AATK: variants seen among roughly 807,000 people sequenced by gnomAD.
The protein encoded by AATK is lemur tail kinase 1.
A neutral mutation model predicts 114.3 loss-of-function variants in AATK; 91 were observed. The observed-to-expected ratio is 0.80, with a 90% confidence interval of 0.67 to 0.95. The LOEUF is 0.95. AATK is among the 40% of genes least tolerant of loss of function. The pLI is 0.00. For missense variants in AATK, 2,176 were observed against 1,965.2 expected, an observed-to-expected ratio of 1.11 and a Z score of -2.03; for synonymous variants, 1,075 against 916.5, an observed-to-expected ratio of 1.17 and a Z score of -3.12.
At chr17:81,140,487 T>C (rs1057200968) in intron 1 of AATK, among the ~76,000 whole-genome samples, 1 of 152,228 alleles carries the variant, frequency 6.6e-6, no homozygotes, top group African/African-American at 2.4e-5. Flanking sequence ...TCTGGGTGCC[T>C]TGCATGGCAA....
chr17:81,161,096 G>A (rs1034299910), intron 1 of AATK, among the ~76,000 whole-genome samples: 1 of 152,198 alleles, frequency 6.6e-6, no homozygotes, highest in African/African-American at 2.4e-5. Context: ...TCTCGAGGCA[G>A]CTGTGCTCAC....
intron 1 of AATK, among the ~76,000 whole-genome samples, chr17:81,157,778 T>C (rs968357844): frequency 4.6e-5 from 7 of 152,160 alleles, no homozygotes; most frequent in African/African-American, 7.2e-5. Context: ...TCCCTGACAG[T>C]GGAGAAGCCT....
chr17:81,144,557 G>A (rs960092725), intron 1 of AATK, among the ~76,000 whole-genome samples: 32 of 152,232 alleles, frequency 2.1e-4, no homozygotes, highest in African/African-American at 7.7e-4. Flanking sequence ...GAGCCCACAG[G>A]GCTCCCTTGA....
chr17:81,122,427 C>T lies in AATK; in HGVS notation c.1509G>A (p.Gln503=), dbSNP rs1374258176. 108 of 1,458,046 alleles carry T rather than the reference C, an allele frequency of 7.4e-5. No homozygotes were observed. The highest frequency in any genetic ancestry group is 9.5e-5 in the Non-Finnish European group (105 of 1,106,910). The allele number at this position is 1,458,046 out of a possible 1,614,324, so 90.3% of individuals were successfully genotyped here. A position where few individuals can be genotyped will look rare whatever the true frequency, so the allele number is the denominator to read the frequency against. ...TLSPGRTARL[Q]ELCAPDGAPP... is the part of the protein sequence containing the mutation. ...GCGCGCCGTCGGGGGCGCACAGCTC[C>T]TGCAGGCGTGCGGTGCGGCCAGGGC... Residue 503 remains glutamine (Q), a synonymous_variant, in exon 11 of 14, where the codon CAG becomes CAA. Coordinates refer to ENST00000326724, the MANE Select transcript of AATK (RefSeq NM_001080395.3).
intron 1 of AATK, among the ~76,000 whole-genome samples, chr17:81,161,344 C>T (rs550941226): frequency 1.3e-5 from 2 of 152,258 alleles, no homozygotes; most frequent in East Asian, 1.9e-4. Flanking sequence ...CCCGCGTGCA[C>T]GCCACTCCTC....
chr17:81,128,530 T>G lies in AATK; in HGVS notation c.354A>C (p.Thr118=). 4 of 1,549,168 alleles carry G rather than the reference T, an allele frequency of 2.6e-6. No individual in the cohort carries two copies. The East Asian group carries it at 9.8e-5, about 38-fold the overall frequency. ...ACAGGAGGCTGTGCCGGCCCACGTC[T>G]GTGGACTTGAGGAGCTGCACTGTAA... is the stretch of plus-strand genomic sequence containing the variant. ...PGRSVQLLKS[T]DVGRHSLLYL... is the part of the protein sequence containing the mutation. The change falls in exon 4 of 14, where the codon ACA becomes ACC. Residue 118 remains threonine, a synonymous_variant. Transcript: ENST00000326724.
chr17:81,126,418 C>T lies in AATK; in HGVS notation c.755+9G>A, dbSNP rs531935985. The T allele has an allele frequency of 2.1e-5, 32 of 1,555,444 alleles. No individual in the cohort carries two copies. Among genetic ancestry groups the T allele is most frequent in the East Asian group, 2.4e-5 (1 of 41,396 alleles). ...GGCTTCCCGGCCGCTGGCCCGCGCC[C>T]GCCCTCACCTGTGCACGAAATTGTT... On this transcript the variant is annotated intron_variant, in intron 7 of 13. Coordinates refer to ENST00000326724, the MANE Select transcript of AATK (RefSeq NM_001080395.3). This position sits in a 1 kb window ranked among gnomAD's most constrained non-coding sequence, Gnocchi z 5.1.
intron 1 of AATK, among the ~76,000 whole-genome samples, chr17:81,152,642 G>C (rs2061312965): frequency 6.6e-6 from 1 of 152,068 alleles, no homozygotes. Flanking sequence ...AATTCAACCA[G>C]GTCAGCAACC....
chr17:81,142,251 G>A (rs2061149928), intron 1 of AATK, among the ~76,000 whole-genome samples: 2 of 150,420 alleles, frequency 1.3e-5, no homozygotes, highest in African/African-American at 4.9e-5. Flanking sequence ...GAGCTACCAG[G>A]CCCGCTCTTT....
intron 1 of AATK, among the ~76,000 whole-genome samples, chr17:81,137,651 A>G (rs999382153): frequency 3.9e-5 from 6 of 152,086 alleles, no homozygotes; most frequent in Non-Finnish European, 8.8e-5. Flanking sequence ...TGTTGTAACA[A>G]TCCAGCACAC....
rs558149473 is a variant in AATK, at chr17:81,121,319, C to T, written c.2617G>A (p.Asp873Asn). 6.3e-5 allele frequency: 101 copies of T among 1,611,750 alleles called. No individual in the cohort carries two copies. The highest frequency in any genetic ancestry group is 4.5e-4 in the African/African-American group (34 of 74,912). Reference protein sequence around the residue: ...TAEATSGIFTDTSSDGLQARR... With the variant: ...TAEATSGIFTNTSSDGLQARR... ...GCCTGCAGGCCGTCGCTGGACGTGT[C>T]GGTGAAGATGCCTGAGGTGGCCTCG... is the stretch of plus-strand genomic sequence containing the variant. Residue 873 changes from aspartate (D) to asparagine (N), a missense_variant, in exon 11 of 14, where the codon GAC (aspartate) becomes AAC (asparagine). Coordinates refer to ENST00000326724, the MANE Select transcript of AATK (RefSeq NM_001080395.3).
intron 12 of AATK, 73 bp from the exon 13 acceptor site, chr17:81,119,653 G>A (rs1255853362): frequency 6.1e-5 from 33 of 545,054 alleles, no homozygotes; most frequent in East Asian, 1.4e-4. Flanking sequence ...CCACAGTCAC[G>A]GGCCCAGGCC....
chr17:81,163,250 G>A (rs542858792), intron 1 of AATK, among the ~76,000 whole-genome samples: 10 of 152,286 alleles, frequency 6.6e-5, no homozygotes, highest in Non-Finnish European at 1.3e-4. Context: ...AAATCATGAC[G>A]CCCTGAGGCC....
intron 1 of AATK, among the ~76,000 whole-genome samples, chr17:81,145,599 G>A (rs1272533550): frequency 6.6e-6 from 1 of 152,044 alleles, no homozygotes; most frequent in African/African-American, 2.4e-5. Context: ...CAGGCGTGGT[G>A]GCATGCTTCT....
In AATK at chr17:81,165,922, G is replaced by A. The variant is rs1247334174; in HGVS notation, c.55+16C>T. ...AGGGAGGCAGCGGCGCGCAGGCCGGGCCGCCAGGGACTCACCGGGGTCGAA... is the reference window on the plus strand; with the variant it reads ...AGGGAGGCAGCGGCGCGCAGGCCGGACCGCCAGGGACTCACCGGGGTCGAA... On this transcript the variant is annotated intron_variant, in intron 1 of 13. Coordinates refer to ENST00000326724, the MANE Select transcript of AATK (RefSeq NM_001080395.3). The A allele has an allele frequency of 3.8e-6, 6 of 1,573,218 alleles. No homozygotes were observed. The East Asian group carries it at 7.1e-5, about 19-fold the overall frequency.
At chr17:81,163,177 C>T (rs568748048) in intron 1 of AATK, among the ~76,000 whole-genome samples, 4 of 152,180 alleles carry the variant, frequency 2.6e-5, no homozygotes, top group African/African-American at 9.7e-5. Context: ...CGGAGCGAGG[C>T]GGTGTCCCCA....
Position 81,126,298 on chromosome 17 carries a change from C to T in AATK, c.755+129G>A. 8.2e-7 allele frequency: 1 copy of T among 1,216,904 alleles called. No individual in the cohort carries two copies. Among genetic ancestry groups the T allele is most frequent in the South Asian group, 1.6e-5 (1 of 64,316 alleles). 75.4% of individuals were successfully genotyped at this position (1,216,904 alleles called of 1,614,324 possible). A position where few individuals can be genotyped will look rare whatever the true frequency, so the allele number is the denominator to read the frequency against. On this transcript the variant is annotated intron_variant, in intron 7 of 13. Transcript: ENST00000326724. The surrounding 1 kb of genome is among the most constrained non-coding windows in gnomAD (Gnocchi z 5.1). ...TAAAATCCCTCTGCATAGTGGTTGT[C>T]TGATGCTGCATGAGATGAACCTGGC... is the stretch of plus-strand genomic sequence containing the variant.
chr17:81,140,247 C>T (rs1000940897), intron 1 of AATK, among the ~76,000 whole-genome samples: 5 of 152,230 alleles, frequency 3.3e-5, no homozygotes, highest in Non-Finnish European at 5.9e-5. Context: ...TGAGGGAAGG[C>T]AGGGCCTTCA....
chr17:81,163,920 C>T (rs2061454728), intron 1 of AATK, among the ~76,000 whole-genome samples: 1 of 152,232 alleles, frequency 6.6e-6, no homozygotes. Flanking sequence ...TGCTGAGTGA[C>T]ACACAAGCCA....
Sources: gnomAD v4.1 joint callset for allele counts (sites outside exome capture counted in the v4.1 genomes callset) on GRCh38, gnomAD v4.1.1 for gene constraint, Gnocchi (gnomAD v3.1) non-coding constraint, MANE v1.5 for transcripts, NCBI Gene and HGNC (gene_info 2026-07-23, HGNC 2026-07-21) for gene names.